TAF3: variants seen among roughly 807,000 people sequenced by gnomAD.
The protein encoded by TAF3 is transcription initiation factor TFIID subunit 3.
TAF3 carries 7 observed loss-of-function variants against 80.6 expected under a neutral mutation model. The ratio of observed to expected loss-of-function variants is 0.09; its 90% confidence interval spans 0.05 to 0.16. TAF3 has a LOEUF of 0.16. Ranked by LOEUF, TAF3 falls within the 10% of genes least tolerant of loss-of-function variation. TAF3 has a pLI of 1.00. For missense variants in TAF3, 921 were observed against 1,140.2 expected (o/e 0.81, Z 2.77); for synonymous variants, 444 against 446.1 (o/e 1.00, Z 0.06).
chr10:7,969,357 G>T (rs1831601392), intron 3 of TAF3, among the ~76,000 whole-genome samples: 1 of 152,024 alleles, frequency 6.6e-6, no homozygotes, highest in Non-Finnish European at 1.5e-5. Flanking sequence ...CATAATAGTT[G>T]TAGCAGTGAT....
chr10:7,893,378 A>T (rs527849688), intron 2 of TAF3, among the ~76,000 whole-genome samples: 13 of 152,340 alleles, frequency 8.5e-5, no homozygotes, highest in South Asian at 2.1e-4. Context: ...CACTTAAAAG[A>T]TACGTTGCTT....
At chr10:7,865,992 C>T (rs558476949) in intron 2 of TAF3, among the ~76,000 whole-genome samples, 11 of 152,288 alleles carry the variant, frequency 7.2e-5, no homozygotes, top group African/African-American at 2.4e-4. Flanking sequence ...CCTTGACTTT[C>T]GTTTTACCCA....
chr10:7,858,054 T>C (rs1456055977), intron 2 of TAF3, among the ~76,000 whole-genome samples: 1 of 152,060 alleles, frequency 6.6e-6, no homozygotes, highest in Non-Finnish European at 1.5e-5. Flanking sequence ...ACGGCCTCAG[T>C]AGAATATTAA....
At chr10:7,930,914 A>G (rs1267339894) in intron 2 of TAF3, among the ~76,000 whole-genome samples, 1 of 152,124 alleles carries the variant, frequency 6.6e-6, no homozygotes, top group Non-Finnish European at 1.5e-5. Context: ...TCTAGAAGGA[A>G]AAGGATCTTT....
chr10:7,821,594 TAAG>T (rs1179669871), intron 1 of TAF3, among the ~76,000 whole-genome samples: 1 of 152,224 alleles, frequency 6.6e-6, no homozygotes. Context: ...ATAATGAACT[TAAG>T]AATTGCCTTA....
At chr10:7,884,977 AGTTT>A (rs1837395477) in intron 2 of TAF3, among the ~76,000 whole-genome samples, 1 of 148,364 alleles carries the variant, frequency 6.7e-6, no homozygotes, top group Non-Finnish European at 1.5e-5. Context: ...ATATATCTGG[AGTTT>A]AATTTTTGTT....
In TAF3 at chr10:7,860,873, C is replaced by T. The variant is rs959864030; in HGVS notation, c.409+36313C>T. On this transcript the variant is annotated intron_variant, in intron 2 of 6. Coordinates refer to ENST00000344293, the MANE Select transcript of TAF3 (RefSeq NM_031923.4). ...GGAATGCAGTGGTGTGATCTCGGGT[C>T]GCTGCAACCTCTGCCTCCTGGGTTC... Among the ~76,000 whole-genome samples, 7 of 140,998 alleles carry T rather than the reference C, an allele frequency of 5.0e-5. No homozygotes were observed. In the East Asian group the frequency reaches 6.4e-4, roughly 13 times the overall value. The allele number at this position is 140,998 out of a possible 152,430, so 92.5% of individuals were successfully genotyped here.
intron 2 of TAF3, among the ~76,000 whole-genome samples, chr10:7,913,506 A>G (rs975122073): frequency 7.9e-5 from 12 of 152,326 alleles, no homozygotes; most frequent in African/African-American, 2.4e-4. Context: ...CCCATTTATT[A>G]TGCCACAGTA....
At chr10:7,908,955 C>T (rs1837631030) in intron 2 of TAF3, among the ~76,000 whole-genome samples, 1 of 152,206 alleles carries the variant, frequency 6.6e-6, no homozygotes, top group Admixed American at 6.5e-5. Flanking sequence ...AGCAAGTTCC[C>T]AGGTGATGCT....
rs1837656703 is a variant in TAF3 at position 7,911,510 on chromosome 10, G to T, written c.410-52410G>T. On this transcript the variant is annotated intron_variant, in intron 2 of 6. Transcript: ENST00000344293. ...AATGGCTGGTGTACTTGGTATGATA[G>T]TACATACCTCGTGTCGTATTATTCT... 3.3e-5 allele frequency among the ~76,000 whole-genome samples: 5 copies of T among 152,312 alleles called. No homozygotes were observed. In the South Asian group the frequency reaches 1.0e-3, roughly 32 times the overall value.
chr10:7,945,019 G>A (rs751066042), intron 2 of TAF3, among the ~76,000 whole-genome samples: 23 of 152,036 alleles, frequency 1.5e-4, no homozygotes, highest in Non-Finnish European at 2.6e-4. Flanking sequence ...ACATAGCATC[G>A]GACTACATAA....
intron 2 of TAF3, among the ~76,000 whole-genome samples, chr10:7,861,252 C>T (rs1259717545): frequency 4.6e-5 from 7 of 152,120 alleles, no homozygotes; most frequent in African/African-American, 1.2e-4. Flanking sequence ...CGTGAGCCAC[C>T]GCATCCGGCC....
intron 3 of TAF3, among the ~76,000 whole-genome samples, chr10:7,967,509 T>C (rs1471790567): frequency 6.6e-6 from 1 of 152,194 alleles, no homozygotes; most frequent in Non-Finnish European, 1.5e-5. Context: ...GAAAGATACA[T>C]GTTCTTGGAT....
intron 2 of TAF3, among the ~76,000 whole-genome samples, chr10:7,865,080 C>T (rs1327814434): frequency 6.6e-6 from 1 of 152,058 alleles, no homozygotes; most frequent in Non-Finnish European, 1.5e-5. Flanking sequence ...GGAGGGAGTC[C>T]TCACCAGTGG....
chr10:7,981,426 T>A lies in TAF3; in HGVS notation c.2315+4103T>A, dbSNP rs1831724599. On this transcript the variant is annotated intron_variant, in intron 4 of 6. Transcript: ENST00000344293. ...GCCCCTCTAGACATCCCATCATGCATGGTCATGTTTTCTCTAATAAATATC... is the reference window on the plus strand; with the variant it reads ...GCCCCTCTAGACATCCCATCATGCAAGGTCATGTTTTCTCTAATAAATATC... Among the ~76,000 whole-genome samples the A allele has an allele frequency of 2.0e-5, 3 of 152,182 alleles. No homozygotes were observed. The South Asian group carries it at 6.2e-4, about 32-fold the overall frequency.
At chr10:7,851,325 A>T (rs1215537056) in intron 2 of TAF3, among the ~76,000 whole-genome samples, 1 of 152,140 alleles carries the variant, frequency 6.6e-6, no homozygotes, top group African/African-American at 2.4e-5. Context: ...AAAAGGGCAC[A>T]TGGCTGCGGT....
intron 2 of TAF3, among the ~76,000 whole-genome samples, chr10:7,938,098 A>G (rs1440894670): frequency 6.6e-6 from 1 of 152,214 alleles, no homozygotes; most frequent in Admixed American, 6.5e-5. Flanking sequence ...ACATTTTTTC[A>G]ACAAAATAAA....
At chr10:7,962,991 G>T (rs1831525506) in intron 2 of TAF3, among the ~76,000 whole-genome samples, 1 of 152,270 alleles carries the variant, frequency 6.6e-6, no homozygotes, top group East Asian at 1.9e-4. Context: ...TGAAAGATTA[G>T]GAAACAGGCT....
chr10:7,965,245 T>C lies in TAF3; in HGVS notation c.1735T>C (p.Phe579Leu). The C allele has an allele frequency of 6.2e-7, 1 of 1,608,704 alleles. No individual in the cohort carries two copies. The highest frequency in any genetic ancestry group is 8.5e-7 in the Non-Finnish European group (1 of 1,178,716). Residue 579 changes from phenylalanine (F) to leucine (L), a missense_variant, in exon 3 of 7, where the codon TTT becomes CTT. Phe to Leu is a conservative substitution (Grantham distance 22). Around this residue, in one of 6 missense-constraint regions of TAF3, gnomAD observed 743 missense variants for 821.0 expected, o/e 0.90. Coordinates refer to ENST00000344293, the MANE Select transcript of TAF3 (RefSeq NM_031923.4). The part of the protein sequence containing the change: ...GRETKYPWKE[F>L]LKEEEADPYK... ...GGAAACAAAGTATCCCTGGAAGGAA[T>C]TTCTTAAAGAGGAAGAGGCAGATCC...
Sources: gnomAD v4.1 joint callset for allele counts (sites outside exome capture counted in the v4.1 genomes callset) on GRCh38, gnomAD v4.1.1 for gene constraint, gnomAD v4.1.1 regional missense constraint, MANE v1.5 for transcripts, NCBI Gene and HGNC (gene_info 2026-07-23, HGNC 2026-07-21) for gene names.